IYD: variants seen among roughly 807,000 people sequenced by gnomAD.
IYD encodes iodotyrosine deiodinase, also known as iodotyrosine deiodinase 1.
Under a neutral mutation model 28.4 loss-of-function variants are expected in IYD, and 25 were observed. The observed-to-expected ratio is 0.88, with a 90% CI of 0.64 to 1.23. IYD has a LOEUF of 1.23. IYD is among the 50% of genes most tolerant of loss of function. The pLI is 0.00. For missense variants in IYD, 352 were observed against 357.9 expected, an observed-to-expected ratio of 0.98 and a Z score of 0.13; for synonymous variants, 140 against 130.8, an observed-to-expected ratio of 1.07 and a Z score of -0.48.
chr6:150,392,197 T>TAAA, intron 2 of IYD, 148 bp from the exon 3 acceptor site: 4 of 1,041,324 alleles, frequency 3.8e-6, no homozygotes, highest in Non-Finnish European at 5.5e-6. Flanking sequence ...CCCTGCTAGT[T>TAAA]AAAAAAAAAA....
chr6:150,397,137 C>A (rs1462948961), intron 4 of IYD, among the ~76,000 whole-genome samples: 1 of 152,048 alleles, frequency 6.6e-6, no homozygotes, highest in African/African-American at 2.4e-5. Context: ...CATATATGTG[C>A]ATGTGTGCAT....
At chr6:150,381,034 A>G (rs1777628901) in intron 1 of IYD, among the ~76,000 whole-genome samples, 1 of 152,176 alleles carries the variant, frequency 6.6e-6, no homozygotes. Context: ...TTCCCTCATC[A>G]GCCTGGTGAG....
chr6:150,376,376 T>C (rs1372423411), intron 1 of IYD, among the ~76,000 whole-genome samples: 1 of 152,150 alleles, frequency 6.6e-6, no homozygotes, highest in Non-Finnish European at 1.5e-5. Flanking sequence ...TTATATATCC[T>C]TCTTCATAGG....
intron 1 of IYD, among the ~76,000 whole-genome samples, chr6:150,381,253 T>C (rs1777636240): frequency 6.6e-6 from 1 of 152,200 alleles, no homozygotes; most frequent in South Asian, 2.1e-4. Context: ...AATGGTAACA[T>C]GGCAAGAAAT....
Position 150,398,581 on chromosome 6 carries a change from C to A in IYD, c.*344C>A. 1 of 209,556 alleles carries A rather than the reference C, an allele frequency of 4.8e-6. No individual in the cohort carries two copies. Among genetic ancestry groups the A allele is most frequent in the Non-Finnish European group, 9.6e-6 (1 of 104,148 alleles). The allele number at this position is 209,556 out of a possible 1,614,324, so 13.0% of individuals were successfully genotyped here. A position where few individuals can be genotyped will look rare whatever the true frequency, so the allele number is the denominator to read the frequency against. Reference sequence around the variant, plus strand: ...AGACAATCAGAAATTTACCATAGTCCCAAGAATTCAGCTACATGATGACTC... The same window carrying A: ...AGACAATCAGAAATTTACCATAGTCACAAGAATTCAGCTACATGATGACTC... On this transcript the variant is annotated 3_prime_UTR_variant, in exon 5 of 5. Coordinates refer to ENST00000344419, the MANE Select transcript of IYD (RefSeq NM_203395.3).
intron 4 of IYD, 147 bp downstream of exon 4, chr6:150,394,402 C>A: frequency 1.2e-6 from 1 of 824,732 alleles, no homozygotes; most frequent in Non-Finnish European, 2.0e-6. Flanking sequence ...ACTCTGGAAA[C>A]CTGGATTGGT....
chr6:150,395,824 A>G, intron 4 of IYD: 1 of 605,264 alleles, frequency 1.7e-6, no homozygotes, highest in East Asian at 2.7e-5. Flanking sequence ...CAGGCGGGGA[A>G]GTGTCTGGAA....
At chr6:150,385,602 A>C (rs763437558) in intron 1 of IYD, among the ~76,000 whole-genome samples, 1 of 151,844 alleles carries the variant, frequency 6.6e-6, no homozygotes, top group Non-Finnish European at 1.5e-5. Flanking sequence ...TCTGTTATTA[A>C]TATTTTATTT....
chr6:150,380,093 A>AAT (rs768785340), intron 1 of IYD, among the ~76,000 whole-genome samples: 4 of 152,148 alleles, frequency 2.6e-5, no homozygotes, highest in Non-Finnish European at 5.9e-5. Context: ...CTTGTTCACT[A>AAT]ATATATATAT....
chr6:150,392,240 C>T, intron 2 of IYD, 105 bp from the exon 3 acceptor site: 1 of 1,585,910 alleles, frequency 6.3e-7, no homozygotes, highest in Non-Finnish European at 8.6e-7. Context: ...TCCTCCAGCT[C>T]CAGCCTCCCA....
At position 150,394,186 on chromosome 6, in the gene IYD, G is replaced by T; in HGVS notation, c.618G>T (p.Lys206Asn). 1 of 1,614,134 alleles carries T rather than the reference G, an allele frequency of 6.2e-7. No individual in the cohort carries two copies. The highest frequency in any genetic ancestry group is 1.3e-5 in the African/African-American group (1 of 75,002). The change falls in exon 4 of 5, where the codon AAG becomes AAT. Residue 206 changes from lysine (K) to asparagine (N), a missense_variant. Physicochemically the swap from Lys to Asn is moderately conservative, Grantham distance 94. Coordinates refer to ENST00000344419, the MANE Select transcript of IYD (RefSeq NM_203395.3). ...KQVHGFAANG[K>N]KKVHYYNEIS... ...TACATGGTTTCGCCGCAAATGGCAA[G>T]AAAAAAGTCCACTACTACAATGAGA...
chr6:150,397,346 A>T (rs960526334), intron 4 of IYD, among the ~76,000 whole-genome samples: 2 of 152,140 alleles, frequency 1.3e-5, no homozygotes, highest in African/African-American at 4.8e-5. Context: ...AGACGGGCAG[A>T]TCACTTAAGC....
chr6:150,381,110 C>A (rs1260365370), intron 1 of IYD, among the ~76,000 whole-genome samples: 1 of 152,158 alleles, frequency 6.6e-6, no homozygotes, highest in Non-Finnish European at 1.5e-5. Flanking sequence ...GGCAAAAGTA[C>A]CTATGGCCAG....
intron 4 of IYD, chr6:150,395,249 G>A: frequency 4.7e-6 from 3 of 639,612 alleles, no homozygotes; most frequent in East Asian, 5.4e-5. Context: ...TAAAATAAAT[G>A]TAGAAAACAA....
chr6:150,382,999 G>A (rs890696568), intron 1 of IYD, among the ~76,000 whole-genome samples: 5 of 152,160 alleles, frequency 3.3e-5, no homozygotes, highest in Admixed American at 1.3e-4. Flanking sequence ...TAAATACATT[G>A]TTATTTTTCA....
intron 2 of IYD, 76 bp from the exon 3 acceptor site, chr6:150,392,269 G>A (rs940188292): frequency 1.2e-6 from 2 of 1,606,164 alleles, no homozygotes; most frequent in Non-Finnish European, 1.7e-6. Context: ...GGACTACAGG[G>A]ATGAGCCTCT....
At chr6:150,374,679 C>T (rs1426398692) in intron 1 of IYD, among the ~76,000 whole-genome samples, 3 of 152,322 alleles carry the variant, frequency 2.0e-5, no homozygotes, top group Middle Eastern at 3.4e-3. Context: ...GTCCCTCCCA[C>T]AACACATGGG....
In IYD at chr6:150,389,460, T is replaced by TAGAAGTTCATAAAATTGAGACAATTTTTG; in HGVS notation, c.287_288insAGAAGTTCATAAAATTGAGACAATTTTTG (p.Leu97GlufsTer20). The TAGAAGTTCATAAAATTGAGACAATTTTTG allele has an allele frequency of 6.2e-7, 1 of 1,613,860 alleles. No individual in the cohort carries two copies. The highest frequency in any genetic ancestry group is 8.5e-7 in the Non-Finnish European group (1 of 1,179,754). On this transcript the variant is annotated frameshift_variant, in exon 2 of 5. Coordinates refer to ENST00000344419, the MANE Select transcript of IYD (RefSeq NM_203395.3). LOFTEE classifies it high-confidence loss of function. The stretch of plus-strand genomic sequence containing the variant: ...AAGAGGTCTCAGGAATTTTATGAAC[T>TAGAAGTTCATAAAATTGAGACAATTTTTG]TCTCAATAAGAGACGGTCAGTCAGG...
intron 1 of IYD, among the ~76,000 whole-genome samples, chr6:150,373,304 C>A (rs1025659428): frequency 6.6e-6 from 1 of 152,176 alleles, no homozygotes; most frequent in African/African-American, 2.4e-5. Context: ...AAAACTGGTT[C>A]CAAGCCTGAG....
Sources: gnomAD v4.1 joint callset for allele counts (sites outside exome capture counted in the v4.1 genomes callset) on GRCh38, gnomAD v4.1.1 for gene constraint, MANE v1.5 for transcripts, NCBI Gene and HGNC (gene_info 2026-07-23, HGNC 2026-07-21) for gene names.